UPP2: variants seen among roughly 807,000 people sequenced by gnomAD.
The protein encoded by UPP2 is uridine phosphorylase 2, also known as UPase 2.
A neutral mutation model predicts 26.7 loss-of-function variants in UPP2; 23 were observed. That is an observed-to-expected ratio of 0.86 (90% CI 0.62 to 1.22). The LOEUF is 1.22. Among genes scored for constraint, UPP2 ranks in the 50% most tolerant of loss-of-function variants. The probability of loss-of-function intolerance (pLI) is 0.00; values close to 1 mark genes in which losing one functional copy is unlikely to be tolerated. For missense variants in UPP2, 387 were observed against 396.7 expected (o/e 0.98, Z 0.21); for synonymous variants, 127 against 141.3 (o/e 0.90, Z 0.72).
At chr2:158,023,585 T>C (rs1366380003) in intron 3 of UPP2, among the ~76,000 whole-genome samples, 1 of 152,100 alleles carries the variant, frequency 6.6e-6, no homozygotes, top group Non-Finnish European at 1.5e-5. Context: ...CAGGAGAGCC[T>C]GGCCTGGAAG....
At chr2:158,074,097 G>A (rs1682587725) in intron 3 of UPP2, among the ~76,000 whole-genome samples, 1 of 152,096 alleles carries the variant, frequency 6.6e-6, no homozygotes, top group African/African-American at 2.4e-5. Context: ...AAAATCACTT[G>A]AGCTGGGATG....
At chr2:157,997,491 CT>C (rs1326915817) in intron 2 of UPP2, among the ~76,000 whole-genome samples, 1 of 152,094 alleles carries the variant, frequency 6.6e-6, no homozygotes, top group Non-Finnish European at 1.5e-5. Flanking sequence ...GCAAATTCTT[CT>C]GTTTATAGAG....
At chr2:158,091,511 T>C (rs1223417945) in intron 3 of UPP2, among the ~76,000 whole-genome samples, 1 of 152,240 alleles carries the variant, frequency 6.6e-6, no homozygotes, top group Non-Finnish European at 1.5e-5. Flanking sequence ...TGAAAAAGTT[T>C]AGTAAACGAA....
rs988059 is a variant in UPP2 at position 158,030,541 on chromosome 2, G to A, written c.147+14655G>A. On this transcript the variant is annotated intron_variant, in intron 3 of 9. Transcript: ENST00000605860. ...AGTTAAGGCTTGGAGAATAAAGGGT[G>A]CCCCAACTTTCTGTTTGGGCAGAAA... is the stretch of plus-strand genomic sequence containing the variant. Among the ~76,000 whole-genome samples, 1,148 of 152,282 alleles carry A rather than the reference G, an allele frequency of 7.5e-3. 48 individuals carry two copies. In the East Asian group the frequency reaches 0.15, roughly 19 times the overall value.
At chr2:158,001,253 A>T (rs714566) in intron 2 of UPP2, among the ~76,000 whole-genome samples, 3 of 151,988 alleles carry the variant, frequency 2.0e-5, no homozygotes, top group Admixed American at 2.0e-4. Context: ...AGAGTTTATT[A>T]AGGAGATTAT....
At chr2:158,132,030 G>A (rs1209846757) in intron 6 of UPP2, among the ~76,000 whole-genome samples, 1 of 152,222 alleles carries the variant, frequency 6.6e-6, no homozygotes, top group Admixed American at 6.5e-5. Context: ...TGAAGGATTA[G>A]AGAAGGACTT....
At chr2:158,061,736 T>C (rs1321171241) in intron 3 of UPP2, among the ~76,000 whole-genome samples, 1 of 152,248 alleles carries the variant, frequency 6.6e-6, no homozygotes, top group Non-Finnish European at 1.5e-5. Context: ...CCTCTCTTCC[T>C]GCTCCTTCCC....
chr2:158,106,307 C>A, intron 2 of UPP2, 91 bp downstream of exon 2: 1 of 1,072,140 alleles, frequency 9.3e-7, no homozygotes. Context: ...ACACCTTTGG[C>A]TAGCACAGTC....
chr2:158,008,579 T>C (rs1683529250), intron 2 of UPP2, among the ~76,000 whole-genome samples: 1 of 152,212 alleles, frequency 6.6e-6, no homozygotes, highest in Non-Finnish European at 1.5e-5. Context: ...CTAAAGCTAA[T>C]GACTTTCTAA....
intron 2 of UPP2, among the ~76,000 whole-genome samples, chr2:157,998,104 T>C (rs1173404845): frequency 2.0e-5 from 3 of 152,124 alleles, no homozygotes; most frequent in Non-Finnish European, 4.4e-5. Context: ...TTTAATGTAT[T>C]AGCTCATGCA....
intron 2 of UPP2, among the ~76,000 whole-genome samples, chr2:158,110,171 C>T (rs1008073366): frequency 1.3e-5 from 2 of 152,158 alleles, no homozygotes; most frequent in African/African-American, 4.8e-5. Context: ...CACCCCATGA[C>T]AGGCCCGAGT....
At chr2:158,037,148 G>A (rs1236065325) in intron 3 of UPP2, among the ~76,000 whole-genome samples, 2 of 152,114 alleles carry the variant, frequency 1.3e-5, no homozygotes, top group East Asian at 3.9e-4. Context: ...GCTAAGGTGG[G>A]TGAATAACGA....
chr2:158,127,752 A>C (rs921750499), intron 6 of UPP2, among the ~76,000 whole-genome samples: 1 of 152,236 alleles, frequency 6.6e-6, no homozygotes, highest in Non-Finnish European at 1.5e-5. Flanking sequence ...CACTGTTGCT[A>C]TCCTGATCTC....
intron 3 of UPP2, chr2:158,065,654 C>CT: frequency 1.7e-6 from 1 of 579,014 alleles, no homozygotes; most frequent in African/African-American, 1.9e-5. Flanking sequence ...CGTAGAGGAA[C>CT]TTAAGAAGTA....
intron 6 of UPP2, among the ~76,000 whole-genome samples, chr2:158,130,224 C>G (rs1172665357): frequency 6.6e-6 from 1 of 151,998 alleles, no homozygotes; most frequent in East Asian, 1.9e-4. Context: ...GGGCAAATCA[C>G]GAAGTCAGGA....
At chr2:158,009,975 A>T (rs1474393605) in intron 2 of UPP2, among the ~76,000 whole-genome samples, 2 of 152,262 alleles carry the variant, frequency 1.3e-5, no homozygotes, top group African/African-American at 4.8e-5. Context: ...AAGGGGGGAA[A>T]AATGAGGTCA....
intron 3 of UPP2, among the ~76,000 whole-genome samples, chr2:158,066,430 C>T (rs988061430): frequency 1.3e-5 from 2 of 152,166 alleles, no homozygotes; most frequent in African/African-American, 2.4e-5. Flanking sequence ...AGGTGCCACC[C>T]GGCACAATAC....
At chr2:158,019,920 G>A (rs76561174) in intron 3 of UPP2, among the ~76,000 whole-genome samples, 2,861 of 151,960 alleles carry the variant, frequency 0.019, 97 homozygotes, top group African/African-American at 0.065. Flanking sequence ...AGAAAAAGTC[G>A]ATTTTATTGT....
intron 2 of UPP2, among the ~76,000 whole-genome samples, chr2:158,110,345 T>C (rs530664467): frequency 6.6e-6 from 1 of 152,252 alleles, no homozygotes; most frequent in Non-Finnish European, 1.5e-5. Context: ...TCATCCTTTT[T>C]ATGGCTGCAT....
Sources: allele counts gnomAD v4.1 joint callset (sites outside exome capture counted in the v4.1 genomes callset), GRCh38; gene constraint gnomAD v4.1.1; transcripts MANE v1.5; gene names NCBI Gene and HGNC (gene_info 2026-07-23, HGNC 2026-07-21).